PCNT: variants seen among roughly 807,000 people sequenced by gnomAD.
PCNT encodes the protein kendrin.
A neutral mutation model predicts 380.4 loss-of-function variants in PCNT; 319 were observed. The ratio of observed to expected loss-of-function variants is 0.84; its 90% CI spans 0.77 to 0.92. The LOEUF is 0.92. Ranked by LOEUF, PCNT falls within the 40% of genes least tolerant of loss-of-function variation. PCNT has a pLI of 0.00. For synonymous variants in PCNT, 1,845 were observed against 1,735.2 expected, an observed-to-expected ratio of 1.06 and a Z score of -1.57; for missense variants, 4,400 against 4,255.3, an observed-to-expected ratio of 1.03 and a Z score of -0.95.
At position 46,428,556 on chromosome 21, in the gene PCNT, C is replaced by G; in HGVS notation, c.7656C>G (p.Arg2552=). Reference sequence around the variant, plus strand: ...CGGCGCTGACAAGCGCAGAGGCGCGCGGGAGCCAGCAGGAGCACCAGCTGC... The same window carrying G: ...CGGCGCTGACAAGCGCAGAGGCGCGGGGGAGCCAGCAGGAGCACCAGCTGC... The part of the protein sequence containing the change: ...LRTALTSAEA[R]GSQQEHQLRR... Residue 2552 remains arginine (R), a synonymous_variant, in exon 35 of 47, where the codon CGC becomes CGG. Coordinates refer to ENST00000359568, the MANE Select transcript of PCNT (RefSeq NM_006031.6). 3 of 1,605,604 alleles carry G rather than the reference C, an allele frequency of 1.9e-6. No individual in the cohort carries two copies. Among genetic ancestry groups the G allele is most frequent in the Non-Finnish European group, 1.7e-6 (2 of 1,179,222 alleles).
At chr21:46,437,997 G>C (rs1446776352) in intron 40 of PCNT, among the ~76,000 whole-genome samples, 167 bp from the exon 41 acceptor site, 1 of 152,354 alleles carries the variant, frequency 6.6e-6, no homozygotes, top group East Asian at 1.9e-4. Flanking sequence ...TGCGTGCAAA[G>C]TCTGTGATTC....
chr21:46,426,008 A>T, intron 33 of PCNT, 37 bp downstream of exon 33: 1 of 1,525,518 alleles, frequency 6.6e-7, no homozygotes, highest in Non-Finnish European at 8.9e-7. Flanking sequence ...TTTCCAAAGG[A>T]TTTAAGGAGC....
chr21:46,381,216 GT>G (rs2085527258), intron 15 of PCNT, among the ~76,000 whole-genome samples: 1 of 94,754 alleles, frequency 1.1e-5, no homozygotes, highest in Non-Finnish European at 1.9e-5. Context: ...GTGTGTGTGT[GT>G]GTGTGTGTGT....
At chr21:46,442,652 T>A in intron 44 of PCNT, 79 bp downstream of exon 44, 1 of 925,212 alleles carries the variant, frequency 1.1e-6, no homozygotes, top group Non-Finnish European at 1.8e-6. Flanking sequence ...TTTGGGTCAT[T>A]TTTCAGTGTT....
chr21:46,355,453 A>C lies in PCNT; in HGVS notation c.1763A>C (p.Glu588Ala). ...TTGTCCCACGTGGTTTCTCTGTAGG[A>C]GAGCCTGCCACGCTTCCAGGCGGAG... Reference protein sequence around the residue: ...VDELEPERHKESLPRFQAELE... With the variant: ...VDELEPERHKASLPRFQAELE... The change falls in exon 12 of 47, where the codon GAG becomes GCG. Residue 588 changes from glutamate (E) to alanine (A), a missense_variant and splice_region_variant. Transcript: ENST00000359568. 6.2e-7 allele frequency: 1 copy of C among 1,613,748 alleles called. No homozygotes were observed. The highest frequency in any genetic ancestry group is 8.5e-7 in the Non-Finnish European group (1 of 1,180,022).
chr21:46,350,948 T>C (rs962555879), intron 8 of PCNT, among the ~76,000 whole-genome samples: 2 of 152,186 alleles, frequency 1.3e-5, no homozygotes, highest in Admixed American at 6.5e-5. Context: ...TCTTGCTGAT[T>C]GTACAGAAAA....
chr21:46,413,313 C>T (rs1345097525), intron 29 of PCNT, among the ~76,000 whole-genome samples: 29 of 74,514 alleles, frequency 3.9e-4, no homozygotes, highest in African/African-American at 4.9e-4. Flanking sequence ...GGGGAAGGCA[C>T]GAGGCCCACC....
intron 38 of PCNT, among the ~76,000 whole-genome samples, chr21:46,434,038 C>T (rs1601195400): frequency 6.6e-6 from 1 of 152,198 alleles, no homozygotes; most frequent in Non-Finnish European, 1.5e-5. Context: ...CTTGGCCTCC[C>T]AAAGTGCTGG....
At chr21:46,413,657 A>T (rs2086894490) in intron 29 of PCNT, among the ~76,000 whole-genome samples, 1 of 152,240 alleles carries the variant, frequency 6.6e-6, no homozygotes, top group Non-Finnish European at 1.5e-5. Flanking sequence ...TGGGAGGACC[A>T]CATCGCCCCC....
intron 15 of PCNT, among the ~76,000 whole-genome samples, chr21:46,368,097 G>C (rs1164407402): frequency 6.6e-6 from 1 of 152,172 alleles, no homozygotes; most frequent in Non-Finnish European, 1.5e-5. Flanking sequence ...CGAGGCTGCA[G>C]GGTGAGCTAA....
intron 21 of PCNT, among the ~76,000 whole-genome samples, chr21:46,392,782 T>A (rs552582728): frequency 2.8e-4 from 42 of 152,374 alleles, no homozygotes; most frequent in African/African-American, 8.7e-4. Context: ...CTCCTTTTCT[T>A]GGTTCATTTC....
intron 27 of PCNT, among the ~76,000 whole-genome samples, chr21:46,403,923 ACGCGGCGCG>A (rs2086538088): frequency 3.0e-5 from 4 of 131,272 alleles, no homozygotes; most frequent in Non-Finnish European, 6.6e-5. Context: ...TGTGGTGCCC[ACGCGGCGCG>A]TGCTCGGTGA....
At chr21:46,376,152 A>G (rs2085327149) in intron 15 of PCNT, among the ~76,000 whole-genome samples, 1 of 152,128 alleles carries the variant, frequency 6.6e-6, no homozygotes, top group Admixed American at 6.5e-5. Context: ...GCGTGGCACC[A>G]GCTGTGCTCC....
At chr21:46,333,974 A>G (rs1006485733) in intron 2 of PCNT, among the ~76,000 whole-genome samples, 13 of 152,176 alleles carry the variant, frequency 8.5e-5, no homozygotes, top group African/African-American at 3.1e-4. Flanking sequence ...TGGGAGGCCA[A>G]GGCGGGCGGA....
At chr21:46,334,792 G>A (rs770338517) in intron 3 of PCNT, 24 bp downstream of exon 3, 1 of 1,614,232 alleles carries the variant, frequency 6.2e-7, no homozygotes, top group Admixed American at 1.7e-5. Context: ...TCTCTGTTAA[G>A]GTGTATTCTT....
intron 28 of PCNT, among the ~76,000 whole-genome samples, chr21:46,412,552 A>AC (rs908591265): frequency 6.6e-6 from 1 of 151,930 alleles, no homozygotes; most frequent in African/African-American, 2.4e-5. Flanking sequence ...GGTGCCTACC[A>AC]CCCCCACACC....
Position 46,430,018 on chromosome 21 carries a change from C to G in PCNT, c.7699C>G (p.Leu2567Val). The G allele has an allele frequency of 6.2e-7, 1 of 1,614,076 alleles. No homozygotes were observed. Among genetic ancestry groups the G allele is most frequent in the Non-Finnish European group, 8.5e-7 (1 of 1,179,912 alleles). ...EHQLRRQVELLAYKVEQEKCI... is the reference protein window; with the variant it reads ...EHQLRRQVELVAYKVEQEKCI... ...TCTTTTGTCTTTCTCAGTTGAACTG[C>G]TGGCTTATAAAGTAGAGCAGGAGAA... The change falls in exon 36 of 47, where the codon CTG (leucine) becomes GTG (valine). Residue 2567 changes from leucine to valine, a missense_variant. Coordinates refer to ENST00000359568, the MANE Select transcript of PCNT (RefSeq NM_006031.6).
chr21:46,394,403 C>A, intron 21 of PCNT: 1 of 382,784 alleles, frequency 2.6e-6, no homozygotes, highest in Non-Finnish European at 3.6e-6. Flanking sequence ...CAGCGTTGCC[C>A]AGAGCCCTGC....
intron 35 of PCNT, among the ~76,000 whole-genome samples, 179 bp downstream of exon 35, chr21:46,428,769 G>T (rs1041631357): frequency 1.3e-5 from 2 of 152,230 alleles, no homozygotes; most frequent in African/African-American, 2.4e-5. Flanking sequence ...GACAGGCAGC[G>T]CTGGGTGGGG....
Sources: allele counts gnomAD v4.1 joint callset (sites outside exome capture counted in the v4.1 genomes callset), GRCh38; gene constraint gnomAD v4.1.1; transcripts MANE v1.5; gene names NCBI Gene and HGNC (gene_info 2026-07-23, HGNC 2026-07-21).